The following ZNF526 variants were observed in gnomAD, a reference collection of about 807,000 sequenced individuals.
ZNF526 encodes zinc finger protein 526.
In ZNF526, 16 loss-of-function variants were observed where a neutral mutation model predicts 32.4. That is an observed-to-expected ratio of 0.49 (90% CI 0.33 to 0.75). The LOEUF (loss-of-function observed/expected upper bound fraction) is 0.75, where lower values mean the gene tolerates loss of function less well. Among genes scored for constraint, ZNF526 ranks in the 30% least tolerant of loss-of-function variants. The pLI is 0.02. For missense variants in ZNF526, 838 were observed against 920.7 expected, an observed-to-expected ratio of 0.91 and a Z score of 1.16; for synonymous variants, 355 against 363.4, an observed-to-expected ratio of 0.98 and a Z score of 0.26.
Position 42,226,404 on chromosome 19 carries a change from G to C in ZNF526, c.2001G>C (p.Thr667=). The part of the protein sequence containing the change: ...SEAGGLLQLD[T]AFV ...CAGGCGGGCTCTTGCAGTTGGACAC[G>C]GCCTTCGTGTGACGCAGCTGAAAAG... The change falls in exon 3 of 3, where the codon ACG becomes ACC. Residue 667 remains threonine (T), a synonymous_variant. Coordinates refer to ENST00000301215, the MANE Select transcript of ZNF526 (RefSeq NM_133444.3). 6.2e-7 allele frequency: 1 copy of C among 1,614,186 alleles called. No homozygotes were observed. The highest frequency in any genetic ancestry group is 1.1e-5 in the South Asian group (1 of 91,086).
rs1297411258 is a variant in ZNF526, at chr19:42,224,388, C to T, written c.-16C>T. ...TGGCTCCTGCCCCTCTTTCTCCAGG[C>T]ACTGCCTTCCCCACAATGGCAGAGG... is the stretch of plus-strand genomic sequence containing the variant. On this transcript the variant is annotated splice_region_variant and 5_prime_UTR_variant, in exon 3 of 3. Transcript: ENST00000301215. 4.3e-6 allele frequency: 7 copies of T among 1,613,092 alleles called. No homozygotes were observed. The highest frequency in any genetic ancestry group is 3.3e-5 in the Admixed American group (2 of 59,992).
chr19:42,223,388 T>C (rs1452125624), intron 1 of ZNF526, among the ~76,000 whole-genome samples: 1 of 152,192 alleles, frequency 6.6e-6, no homozygotes, highest in African/African-American at 2.4e-5. Context: ...ATGCCTGTAA[T>C]CCCAGCACTT....
Position 42,225,946 on chromosome 19 carries a change from C to T in ZNF526, c.1543C>T (p.Leu515Phe), listed in dbSNP as rs771427160. The T allele has an allele frequency of 2.1e-5, 34 of 1,614,044 alleles. No individual in the cohort carries two copies. The highest frequency in any genetic ancestry group is 2.4e-5 in the Non-Finnish European group (28 of 1,180,044). Residue 515 changes from leucine to phenylalanine, a missense_variant, in exon 3 of 3, where the codon CTC becomes TTC. Physicochemically the swap from Leu to Phe is conservative, Grantham distance 22. Coordinates refer to ENST00000301215, the MANE Select transcript of ZNF526 (RefSeq NM_133444.3). Reference protein sequence around the residue: ...CGKTFASLANLSRHQLTHTGA... With the variant: ...CGKTFASLANFSRHQLTHTGA... The stretch of plus-strand genomic sequence containing the variant: ...CAAGACCTTTGCTTCTTTGGCCAAC[C>T]TCAGCCGCCACCAGCTGACCCATAC...
In ZNF526 at chr19:42,226,469, A is replaced by G. The variant is rs2036183111; in HGVS notation, c.*53A>G. 1.2e-6 allele frequency: 2 copies of G among 1,612,212 alleles called. No homozygotes were observed. Among genetic ancestry groups the G allele is most frequent in the Non-Finnish European group, 1.7e-6 (2 of 1,178,858 alleles). ...TTTGGTTGCAACAGCCAGTGTGGGT[A>G]CCTCTGGGGAGAGAGGACCTCCTCT... On this transcript the variant is annotated 3_prime_UTR_variant, in exon 3 of 3. Transcript: ENST00000301215.
intron 1 of ZNF526, among the ~76,000 whole-genome samples, chr19:42,222,665 G>A (rs1199255347): frequency 6.6e-6 from 1 of 152,138 alleles, no homozygotes; most frequent in East Asian, 1.9e-4. Flanking sequence ...TTTTGTTGCT[G>A]ACTGGAGCCT....
chr19:42,220,910 G>T (rs771143590), intron 1 of ZNF526, among the ~76,000 whole-genome samples: 1 of 152,184 alleles, frequency 6.6e-6, no homozygotes, highest in Non-Finnish European at 1.5e-5. Context: ...TGGAAATGGG[G>T]CTGTAATCAA....
chr19:42,221,721 GCAGGAGGATCACCTGAGTC>G (rs1339712114), intron 1 of ZNF526, among the ~76,000 whole-genome samples: 1 of 151,838 alleles, frequency 6.6e-6, no homozygotes, highest in Non-Finnish European at 1.5e-5. Context: ...AGAGGCTGAG[GCAGGAGGATCACCTGAGTC>G]CAGGAGGTGG....
At position 42,225,186 on chromosome 19, in the gene ZNF526, T is replaced by G; in HGVS notation, c.783T>G (p.Ala261=). 1.9e-6 allele frequency: 3 copies of G among 1,614,178 alleles called. No homozygotes were observed. Among genetic ancestry groups the G allele is most frequent in the Non-Finnish European group, 2.5e-6 (3 of 1,180,010 alleles). Residue 261 remains alanine, a synonymous_variant, in exon 3 of 3, where the codon GCT becomes GCG. Coordinates refer to ENST00000301215, the MANE Select transcript of ZNF526 (RefSeq NM_133444.3). ...EEAMAEVGDD[A]VGGDESTAGW... ...CCATGGCAGAGGTCGGTGATGATGC[T>G]GTGGGAGGTGACGAGTCCACAGCTG...
chr19:42,224,695 C>A lies in ZNF526; in HGVS notation c.292C>A (p.Pro98Thr). The A allele has an allele frequency of 6.2e-7, 1 of 1,614,122 alleles. No homozygotes were observed. ...GACCACACAGAATGTTGGCCTGGAG[C>A]CGGAGCTGGTGCCGGGTGCTGAGGG... ...ALTTQNVGLE[P>T]ELVPGAEGPF... Residue 98 changes from proline to threonine, a missense_variant, in exon 3 of 3, where the codon CCG (proline) becomes ACG (threonine). Coordinates refer to ENST00000301215, the MANE Select transcript of ZNF526 (RefSeq NM_133444.3).
In ZNF526 at chr19:42,225,848, A is replaced by G. The variant is rs1221882427; in HGVS notation, c.1445A>G (p.Lys482Arg). The change falls in exon 3 of 3, where the codon AAG becomes AGG. Residue 482 changes from lysine to arginine, a missense_variant. By Grantham distance (26) the Lys-to-Arg change is conservative. Coordinates refer to ENST00000301215, the MANE Select transcript of ZNF526 (RefSeq NM_133444.3). ...TGTGGGGTTTGTGGCAAGGGCTTCA[A>G]GAAGCTGATCCACGTGCGCAACCAC... ...HRCGVCGKGF[K>R]KLIHVRNHLR... 6 of 1,614,142 alleles carry G rather than the reference A, an allele frequency of 3.7e-6. No individual in the cohort carries two copies. The highest frequency in any genetic ancestry group is 5.1e-6 in the Non-Finnish European group (6 of 1,180,016).
rs551317806 is a variant in ZNF526, at chr19:42,225,256, G to T, written c.853G>T (p.Ala285Ser). Reference protein sequence around the residue: ...CGDCPQHQPSAGARRQHRRTA... With the variant: ...CGDCPQHQPSSGARRQHRRTA... The stretch of plus-strand genomic sequence containing the variant: ...GGACTGTCCCCAGCACCAGCCCTCA[G>T]CAGGGGCTCGCCGGCAACACCGGCG... The change falls in exon 3 of 3, where the codon GCA becomes TCA. Residue 285 changes from alanine (A) to serine (S), a missense_variant. Transcript: ENST00000301215. 1.2e-6 allele frequency: 2 copies of T among 1,613,808 alleles called. No homozygotes were observed. Among genetic ancestry groups the T allele is most frequent in the South Asian group, 2.2e-5 (2 of 91,080 alleles).
chr19:42,226,575 C>A lies in ZNF526; in HGVS notation c.*159C>A. 3 of 908,204 alleles carry A rather than the reference C, an allele frequency of 3.3e-6. No individual in the cohort carries two copies. Among genetic ancestry groups the A allele is most frequent in the South Asian group, 1.4e-5 (1 of 70,588 alleles). The allele number at this position is 908,204 out of a possible 1,614,324, so 56.3% of individuals were successfully genotyped here. ...CCACTGACTCCCCAGAACAACCCTTCCAGGCTTCTCTTGTCATCTTTCTCT... is the reference window on the plus strand; with the variant it reads ...CCACTGACTCCCCAGAACAACCCTTACAGGCTTCTCTTGTCATCTTTCTCT... On this transcript the variant is annotated 3_prime_UTR_variant, in exon 3 of 3. Transcript: ENST00000301215.
chr19:42,226,075 C>T lies in ZNF526; in HGVS notation c.1672C>T (p.Arg558Cys), dbSNP rs776086354. The change falls in exon 3 of 3, where the codon CGC (arginine) becomes TGC (cysteine). Residue 558 changes from arginine (R) to cysteine (C), a missense_variant. By Grantham distance (180) the Arg-to-Cys change is radical. Transcript: ENST00000301215. The part of the protein sequence containing the change: ...RLHLRPVAFA[R>C]APRLPITGLY... ...GCACTTGCGGCCAGTCGCCTTTGCC[C>T]GCGCCCCCCGCCTCCCCATCACTGG... 1.1e-5 allele frequency: 17 copies of T among 1,607,228 alleles called. No individual in the cohort carries two copies. Among genetic ancestry groups the T allele is most frequent in the Admixed American group, 1.7e-5 (1 of 60,014 alleles).
Position 42,226,822 on chromosome 19 carries a change from T to G in ZNF526, c.*406T>G. The G allele has an allele frequency of 3.2e-6, 1 of 314,846 alleles. No homozygotes were observed. The allele number at this position is 314,846 out of a possible 1,614,324, so 19.5% of individuals were successfully genotyped here. ...TTGTACCCCCAGCCCTTGCCTTCCC[T>G]GGATTTTGGGCACCCAGGACTTTGC... On this transcript the variant is annotated 3_prime_UTR_variant, in exon 3 of 3. Transcript: ENST00000301215.
chr19:42,224,857 C>G lies in ZNF526; in HGVS notation c.454C>G (p.Pro152Ala), dbSNP rs1186358395. The G allele has an allele frequency of 6.2e-7, 1 of 1,613,992 alleles. No individual in the cohort carries two copies. The change falls in exon 3 of 3, where the codon CCC (proline) becomes GCC (alanine). Residue 152 changes from proline (P) to alanine (A), a missense_variant. Coordinates refer to ENST00000301215, the MANE Select transcript of ZNF526 (RefSeq NM_133444.3). Reference protein sequence around the residue: ...CWDCQELFPSPELWVAHRKAQ... With the variant: ...CWDCQELFPSAELWVAHRKAQ... Reference sequence around the variant, plus strand: ...GGACTGCCAGGAGCTGTTCCCCTCGCCCGAGCTGTGGGTGGCTCATCGAAA... The same window carrying G: ...GGACTGCCAGGAGCTGTTCCCCTCGGCCGAGCTGTGGGTGGCTCATCGAAA...
intron 1 of ZNF526, 95 bp from the exon 2 acceptor site, chr19:42,224,120 C>G (rs2036148672): frequency 2.4e-6 from 1 of 412,562 alleles, no homozygotes; most frequent in Admixed American, 3.7e-5. Flanking sequence ...GATTGTGCCA[C>G]TGCACTCCAG....
In ZNF526 at chr19:42,226,121, A is replaced by G; in HGVS notation, c.1718A>G (p.Tyr573Cys). ...ACTGGTCTCTACAACAAGAGTCCCT[A>G]CTACTGCGGGACTTGTGGCCGCTGG... ...PITGLYNKSP[Y>C]YCGTCGRWFR... The change falls in exon 3 of 3, where the codon TAC (tyrosine) becomes TGC (cysteine). Residue 573 changes from tyrosine (Y) to cysteine (C), a missense_variant. Tyr to Cys is a radical substitution (Grantham distance 194, BLOSUM62 -2). Transcript: ENST00000301215. The G allele has an allele frequency of 6.2e-7, 1 of 1,606,106 alleles. No homozygotes were observed. Among genetic ancestry groups the G allele is most frequent in the Non-Finnish European group, 8.5e-7 (1 of 1,179,976 alleles).
intron 1 of ZNF526, among the ~76,000 whole-genome samples, chr19:42,222,802 G>A (rs2036136037): frequency 6.6e-6 from 1 of 152,218 alleles, no homozygotes. Context: ...ATGTAGAGAT[G>A]TCAGAGAAGG....
Position 42,225,086 on chromosome 19 carries a change from G to GC in ZNF526, c.684dup (p.Asn229GlnfsTer11). On this transcript the variant is annotated frameshift_variant, in exon 3 of 3. Transcript: ENST00000301215. LOFTEE classifies it high-confidence loss of function. ...TTTGACTCCCTAGAGAAAGAGGAGC[G>GC]CAATGGGTTGGAGGAGGAGGAAGAG... The GC allele has an allele frequency of 6.2e-7, 1 of 1,614,192 alleles. No individual in the cohort carries two copies. Among genetic ancestry groups the GC allele is most frequent in the Non-Finnish European group, 8.5e-7 (1 of 1,180,030 alleles).
Sources: allele counts gnomAD v4.1 joint callset (sites outside exome capture counted in the v4.1 genomes callset), GRCh38; gene constraint gnomAD v4.1.1; transcripts MANE v1.5; gene names NCBI Gene and HGNC (gene_info 2026-07-23, HGNC 2026-07-21).